The following CDC42BPA variants were observed in gnomAD, a reference collection of about 807,000 sequenced individuals.
The protein encoded by CDC42BPA is serine/threonine-protein kinase MRCK alpha.
Under a neutral mutation model 223.5 loss-of-function variants are expected in CDC42BPA, and 80 were observed. The ratio of observed to expected loss-of-function variants is 0.36; its 90% CI spans 0.30 to 0.43. CDC42BPA has a LOEUF of 0.43. Among genes scored for constraint, CDC42BPA ranks in the 20% least tolerant of loss-of-function variants. The pLI is 1.00. For synonymous variants in CDC42BPA, 694 were observed against 718.6 expected (o/e 0.97, Z 0.55); for missense variants, 1,743 against 2,099.9 (o/e 0.83, Z 3.32).
chr1:227,168,225 T>G (rs1327138926), intron 5 of CDC42BPA, among the ~76,000 whole-genome samples: 1 of 152,118 alleles, frequency 6.6e-6, no homozygotes, highest in African/African-American at 2.4e-5. Context: ...ACCCCTGGCT[T>G]CTTGTTCTTT....
intron 2 of CDC42BPA, among the ~76,000 whole-genome samples, chr1:227,241,237 A>G (rs985094695): frequency 6.6e-6 from 1 of 152,174 alleles, no homozygotes; most frequent in African/African-American, 2.4e-5. Flanking sequence ...AGAACAGGGC[A>G]TAAGTAGGAA....
At chr1:227,083,792 T>C (rs1681221742) in intron 16 of CDC42BPA, among the ~76,000 whole-genome samples, 1 of 152,198 alleles carries the variant, frequency 6.6e-6, no homozygotes, top group Admixed American at 6.5e-5. Context: ...AGGACTCATG[T>C]TTCTTACTCA....
chr1:227,248,361 C>T (rs958051633), intron 2 of CDC42BPA, among the ~76,000 whole-genome samples: 1 of 151,518 alleles, frequency 6.6e-6, no homozygotes, highest in Non-Finnish European at 1.5e-5. Flanking sequence ...AACCTAAAGA[C>T]TCCACACACA....
intron 7 of CDC42BPA, among the ~76,000 whole-genome samples, chr1:227,146,876 A>G (rs1269804792): frequency 6.6e-6 from 1 of 152,168 alleles, no homozygotes; most frequent in Non-Finnish European, 1.5e-5. Context: ...GAAAGGTTAC[A>G]CCAATTTATA....
intron 1 of CDC42BPA, among the ~76,000 whole-genome samples, chr1:227,276,483 G>T (rs904816328): frequency 1.3e-5 from 2 of 150,622 alleles, no homozygotes; most frequent in Non-Finnish European, 3.0e-5. Flanking sequence ...CAGCCGCCCC[G>T]TTCGGGAGGT....
intron 1 of CDC42BPA, among the ~76,000 whole-genome samples, chr1:227,302,554 G>A (rs1572962330): frequency 1.3e-5 from 2 of 152,144 alleles, no homozygotes; most frequent in African/African-American, 4.8e-5. Flanking sequence ...TTTGTCCCCA[G>A]AGTTTTAGGA....
chr1:227,058,875 T>TAA (rs59841633), intron 21 of CDC42BPA, among the ~76,000 whole-genome samples: 48 of 147,026 alleles, frequency 3.3e-4, no homozygotes, highest in South Asian at 6.5e-4. Flanking sequence ...TGAACTACAT[T>TAA]AAAAAAAAAA....
intron 2 of CDC42BPA, among the ~76,000 whole-genome samples, chr1:227,239,729 A>T (rs1679697229): frequency 6.6e-6 from 1 of 152,158 alleles, no homozygotes; most frequent in South Asian, 2.1e-4. Flanking sequence ...TTAAATGCTC[A>T]GCAAACTATT....
rs191505633 is a variant in CDC42BPA, at chr1:227,181,301, T to A, written c.599+12485A>T. ...ACCATTTTGTTAAAAAGCATAAAGA[T>A]GGACATATTTTCATAATATTAAGAT... On this transcript the variant is annotated intron_variant, in intron 5 of 36. Transcript: ENST00000366766. 1.2e-3 allele frequency among the ~76,000 whole-genome samples: 189 copies of A among 152,328 alleles called. 2 individuals carry two copies. The highest frequency in any genetic ancestry group is 5.1e-4 in the Non-Finnish European group (35 of 68,002).
Position 227,141,804 on chromosome 1 carries a change from T to C in CDC42BPA, c.1223+1141A>G, listed in dbSNP as rs76090959. ...AGACAGCACAGCAAGACTCCATTTC[T>C]AAATCGTTTTAAAAATTAGCTGGGC... On this transcript the variant is annotated intron_variant, in intron 9 of 36. Coordinates refer to ENST00000366766, the MANE Select transcript of CDC42BPA (RefSeq NM_001394014.1). 7.1e-4 allele frequency among the ~76,000 whole-genome samples: 108 copies of C among 152,230 alleles called. 1 individual carries two copies. Among genetic ancestry groups the C allele is most frequent in the Middle Eastern group, 3.4e-3 (1 of 294 alleles).
intron 34 of CDC42BPA, among the ~76,000 whole-genome samples, chr1:227,015,743 T>C (rs900824884): frequency 5.3e-5 from 8 of 152,080 alleles, no homozygotes; most frequent in Middle Eastern, 3.4e-3. Context: ...CGTAGTGAAA[T>C]TTTAGTGATT....
intron 35 of CDC42BPA, among the ~76,000 whole-genome samples, chr1:226,996,246 C>G (rs544567352): frequency 6.6e-6 from 1 of 152,354 alleles, no homozygotes; most frequent in African/African-American, 2.4e-5. Context: ...ATGCCCAGCC[C>G]TATCCCAGAA....
chr1:227,301,664 A>C (rs1288069759), intron 1 of CDC42BPA, among the ~76,000 whole-genome samples: 1 of 152,200 alleles, frequency 6.6e-6, no homozygotes, highest in Admixed American at 6.5e-5. Context: ...AGCCGGATTT[A>C]GACTTTTTAA....
At chr1:227,282,963 A>C (rs1223634431) in intron 1 of CDC42BPA, among the ~76,000 whole-genome samples, 1 of 152,212 alleles carries the variant, frequency 6.6e-6, no homozygotes, top group African/African-American at 2.4e-5. Context: ...ACTGAACTAT[A>C]CACTTAAAAA....
At chr1:227,053,599 A>T (rs1320494) in intron 21 of CDC42BPA, among the ~76,000 whole-genome samples, 96,071 of 151,950 alleles carry the variant, frequency 0.63, 30,509 homozygotes, top group East Asian at 0.72. Flanking sequence ...CTGTATCCCA[A>T]CTCAAGTCCA....
rs180788795 is a variant in CDC42BPA at position 227,002,879 on chromosome 1, C to T, written c.4975+2115G>A. 1.4e-4 allele frequency among the ~76,000 whole-genome samples: 22 copies of T among 152,168 alleles called. 1 individual carries two copies. The highest frequency in any genetic ancestry group is 5.1e-4 in the African/African-American group (21 of 41,448). ...GCTCAACTGCAATCTGATGAGAAACCCTGAACCAGAGCCATCCAGTCTATG... is the reference window on the plus strand; with the variant it reads ...GCTCAACTGCAATCTGATGAGAAACTCTGAACCAGAGCCATCCAGTCTATG... On this transcript the variant is annotated intron_variant, in intron 35 of 36. Transcript: ENST00000366766.
intron 1 of CDC42BPA, among the ~76,000 whole-genome samples, chr1:227,271,891 T>A (rs1474194305): frequency 1.3e-5 from 2 of 152,124 alleles, no homozygotes; most frequent in Non-Finnish European, 2.9e-5. Flanking sequence ...AATGTATAAA[T>A]CAACAACTGG....
At chr1:227,129,302 T>A in intron 10 of CDC42BPA, 71 bp from the exon 11 acceptor site, 1 of 1,110,364 alleles carries the variant, frequency 9.0e-7, no homozygotes, top group Non-Finnish European at 1.3e-6. Flanking sequence ...TAACATTATT[T>A]TTTTGGAGAG....
In CDC42BPA at chr1:227,028,830, T is replaced by C. The variant is rs773672897; in HGVS notation, c.4259A>G (p.Asn1420Ser). ...TGCAATAAATGATAGTGTATGGTCA[T>C]TTGAATGGAGCATACTGTATGGATT... is the stretch of plus-strand genomic sequence containing the variant. ...EGNPYSMLHS[N>S]DHTLSFIAHQ... is the part of the protein sequence containing the mutation. The change falls in exon 30 of 37, where the codon AAT becomes AGT. Residue 1420 changes from asparagine to serine, a missense_variant. By Grantham distance (46) the Asn-to-Ser change is conservative (BLOSUM62 1). Around this residue, in one of 6 missense-constraint regions of CDC42BPA, gnomAD observed 678 missense variants for 777.5 expected, o/e 0.87. Coordinates refer to ENST00000366766, the MANE Select transcript of CDC42BPA (RefSeq NM_001394014.1). 1 of 1,614,096 alleles carries C rather than the reference T, an allele frequency of 6.2e-7. No homozygotes were observed. The highest frequency in any genetic ancestry group is 8.5e-7 in the Non-Finnish European group (1 of 1,179,958).
Sources: allele counts gnomAD v4.1 joint callset (sites outside exome capture counted in the v4.1 genomes callset), GRCh38; gene constraint gnomAD v4.1.1; regional missense constraint gnomAD v4.1.1; transcripts MANE v1.5; gene names NCBI Gene and HGNC (gene_info 2026-07-23, HGNC 2026-07-21).